DOCK5: variants seen among roughly 807,000 people sequenced by gnomAD.
DOCK5 encodes dedicator of cytokinesis 5.
DOCK5 carries 142 observed loss-of-function variants against 251.8 expected under a neutral mutation model. The observed-to-expected ratio is 0.56, with a 90% confidence interval of 0.49 to 0.65. The LOEUF (loss-of-function observed/expected upper bound fraction) is 0.65. DOCK5 is among the 30% of genes least tolerant of loss of function. The pLI, the probability that DOCK5 is intolerant of heterozygous loss-of-function variation, is 0.00. For synonymous variants in DOCK5, 842 were observed against 835.5 expected (o/e 1.01, Z -0.13); for missense variants, 2,111 against 2,312.3 (o/e 0.91, Z 1.79).
intron 1 of DOCK5, among the ~76,000 whole-genome samples, chr8:25,226,319 G>A (rs1802530385): frequency 1.4e-5 from 2 of 145,288 alleles, no homozygotes; most frequent in Admixed American, 6.8e-5. Context: ...TGGAGTGCAG[G>A]TGGCATGATC....
intron 48 of DOCK5, among the ~76,000 whole-genome samples, chr8:25,405,463 C>A (rs1801507030): frequency 6.6e-6 from 1 of 151,836 alleles, no homozygotes; most frequent in South Asian, 2.1e-4. Flanking sequence ...TATAAAAAAT[C>A]AAATTTCCAC....
At chr8:25,228,785 G>A (rs1339725050) in intron 1 of DOCK5, among the ~76,000 whole-genome samples, 5 of 151,624 alleles carry the variant, frequency 3.3e-5, no homozygotes, top group Non-Finnish European at 7.4e-5. Context: ...CCATTTTTGT[G>A]TCATTTTCTA....
At chr8:25,346,846 T>C (rs957282408) in intron 26 of DOCK5, among the ~76,000 whole-genome samples, 7 of 148,564 alleles carry the variant, frequency 4.7e-5, no homozygotes, top group Admixed American at 1.3e-4. Flanking sequence ...AAAGAAAACA[T>C]AGGGCTGAAC....
intron 27 of DOCK5, among the ~76,000 whole-genome samples, chr8:25,357,644 C>A (rs1800601755): frequency 6.6e-6 from 1 of 152,068 alleles, no homozygotes. Context: ...TCCCAAAGTG[C>A]TGGGATTACA....
At chr8:25,387,149 A>G (rs1406726727) in intron 40 of DOCK5, among the ~76,000 whole-genome samples, 1 of 151,430 alleles carries the variant, frequency 6.6e-6, no homozygotes, top group Non-Finnish European at 1.5e-5. Flanking sequence ...TGTTTCTGTC[A>G]GGGGTACCAC....
At chr8:25,370,714 C>G (rs1368104533) in intron 34 of DOCK5, among the ~76,000 whole-genome samples, 1 of 151,190 alleles carries the variant, frequency 6.6e-6, no homozygotes, top group African/African-American at 2.4e-5. Context: ...GCCGTGTTGC[C>G]AAGGCTGGTC....
intron 26 of DOCK5, 43 bp downstream of exon 26, chr8:25,345,654 C>A: frequency 1.2e-6 from 2 of 1,604,580 alleles, no homozygotes; most frequent in East Asian, 2.2e-5. Flanking sequence ...TTCACACTGT[C>A]CCCTTTGCAC....
intron 1 of DOCK5, among the ~76,000 whole-genome samples, chr8:25,201,322 C>G (rs17053198): frequency 0.62 from 94,938 of 152,098 alleles, 32,374 homozygotes; most frequent in Non-Finnish European, 0.76. Context: ...ATATTTAGTC[C>G]CATGACATAC....
At chr8:25,299,828 A>T (rs1186483617) in intron 8 of DOCK5, among the ~76,000 whole-genome samples, 4 of 152,206 alleles carry the variant, frequency 2.6e-5, no homozygotes, top group Non-Finnish European at 5.9e-5. Flanking sequence ...GAAGATAGTT[A>T]AAAGTAATTG....
intron 2 of DOCK5, among the ~76,000 whole-genome samples, chr8:25,249,712 A>G (rs1177015410): frequency 1.3e-5 from 2 of 152,152 alleles, no homozygotes; most frequent in Non-Finnish European, 2.9e-5. Context: ...CCAGCCTCCC[A>G]GGTAGCTGGG....
At chr8:25,398,400 T>C (rs1472590921) in intron 45 of DOCK5, among the ~76,000 whole-genome samples, 1 of 152,236 alleles carries the variant, frequency 6.6e-6, no homozygotes, top group Non-Finnish European at 1.5e-5. Flanking sequence ...CTTTTTCTGA[T>C]AATTATTTCA....
intron 2 of DOCK5, among the ~76,000 whole-genome samples, chr8:25,262,606 G>A (rs1028083922): frequency 7.2e-5 from 11 of 152,000 alleles, no homozygotes; most frequent in Admixed American, 5.2e-4. Flanking sequence ...GGTTTATAAC[G>A]AAAAACAGGA....
At chr8:25,221,870 G>A (rs988211407) in intron 1 of DOCK5, among the ~76,000 whole-genome samples, 4 of 152,140 alleles carry the variant, frequency 2.6e-5, no homozygotes, top group African/African-American at 9.7e-5. Flanking sequence ...TTGGAGCTGG[G>A]ACTTATATCC....
chr8:25,385,364 G>A (rs1389966134), intron 40 of DOCK5, among the ~76,000 whole-genome samples: 1 of 152,170 alleles, frequency 6.6e-6, no homozygotes, highest in Non-Finnish European at 1.5e-5. Context: ...CGGGACGTGG[G>A]GGTGGTGGCT....
rs1243962874 is a variant in DOCK5, at chr8:25,254,776, AAAAAAACAAAACAAAAC to A, written c.127+11026_127+11042del. On this transcript the variant is annotated intron_variant, in intron 2 of 51. Coordinates refer to ENST00000276440, the MANE Select transcript of DOCK5 (RefSeq NM_024940.8). The stretch of plus-strand genomic sequence containing the variant: ...GCGACAAAGCAAGACTTTGTCTCAA[AAAAAAACAAAACAAAAC>A]AAAAAAAAAAAACATTTGATAAAGG... 5.5e-5 allele frequency among the ~76,000 whole-genome samples: 7 copies of A among 126,444 alleles called. 1 individual carries two copies. The highest frequency in any genetic ancestry group is 1.6e-4 in the African/African-American group (5 of 30,568). The allele number at this position is 126,444 out of a possible 152,430, so 83.0% of individuals were successfully genotyped here.
At chr8:25,347,883 A>C (rs1230037746) in intron 26 of DOCK5, among the ~76,000 whole-genome samples, 1 of 152,092 alleles carries the variant, frequency 6.6e-6, no homozygotes, top group Non-Finnish European at 1.5e-5. Flanking sequence ...ATCTCTACCA[A>C]CCTTCTCACC....
intron 22 of DOCK5, among the ~76,000 whole-genome samples, chr8:25,340,200 T>C (rs1001321742): frequency 1.3e-5 from 2 of 152,202 alleles, no homozygotes; most frequent in African/African-American, 4.8e-5. Flanking sequence ...GCAAATAAAG[T>C]TCTTTTCTAG....
At position 25,382,777 on chromosome 8, in the gene DOCK5, G is replaced by C; in HGVS notation, c.4130G>C (p.Arg1377Pro). ...YYGQGFPSFL[R>P]NKIFIYRGKE... ...GGACAGGGCTTTCCTTCTTTCCTACGGGTAAGAAACCTGATGGTGGTCTCC... is the reference window on the plus strand; with the variant it reads ...GGACAGGGCTTTCCTTCTTTCCTACCGGTAAGAAACCTGATGGTGGTCTCC... Residue 1377 changes from arginine to proline, a missense_variant and splice_region_variant, in exon 40 of 52, where the codon CGG (arginine) becomes CCG (proline). This residue lies in a region of DOCK5 where 1,717 missense variants were observed against 1,892.4 expected (regional missense o/e 0.91). Coordinates refer to ENST00000276440, the MANE Select transcript of DOCK5 (RefSeq NM_024940.8). 1 of 1,609,518 alleles carries C rather than the reference G, an allele frequency of 6.2e-7. No homozygotes were observed. The highest frequency in any genetic ancestry group is 8.5e-7 in the Non-Finnish European group (1 of 1,176,742).
rs770733184 is a variant in DOCK5, at chr8:25,395,624, G to A, written c.4609G>A (p.Ala1537Thr). 4 of 1,613,310 alleles carry A rather than the reference G, an allele frequency of 2.5e-6. No homozygotes were observed. The highest frequency in any genetic ancestry group is 3.4e-6 in the Non-Finnish European group (4 of 1,179,716). ...GATCAGCAACTGTGTTCAGCAGCAT[G>A]CCTGGGACCGGTCCCTCTCTGTGCA... ...ERISNCVQQH[A>T]WDRSLSVHPL... The change falls in exon 45 of 52, where the codon GCC becomes ACC. Residue 1537 changes from alanine to threonine, a missense_variant. Transcript: ENST00000276440.
Sources: gnomAD v4.1 joint callset for allele counts (sites outside exome capture counted in the v4.1 genomes callset) on GRCh38, gnomAD v4.1.1 for gene constraint, gnomAD v4.1.1 regional missense constraint, MANE v1.5 for transcripts, NCBI Gene and HGNC (gene_info 2026-07-23, HGNC 2026-07-21) for gene names.